The following CUBN variants were observed in gnomAD, a reference collection of about 807,000 sequenced individuals.
CUBN encodes 460 kDa receptor.
A neutral mutation model predicts 405.3 loss-of-function variants in CUBN; 282 were observed. The ratio of observed to expected loss-of-function variants is 0.70; its 90% confidence interval spans 0.63 to 0.77. The LOEUF (loss-of-function observed/expected upper bound fraction) is 0.77, where lower values mean the gene tolerates loss of function less well. Ranked by LOEUF, CUBN falls within the 30% of genes least tolerant of loss-of-function variation. The pLI, the probability that CUBN is intolerant of heterozygous loss-of-function variation, is 0.00. For missense variants in CUBN, 4,514 were observed against 4,475.2 expected (o/e 1.01, Z -0.25); for synonymous variants, 1,684 against 1,617.0 (o/e 1.04, Z -0.99).
intron 19 of CUBN, among the ~76,000 whole-genome samples, chr10:17,070,104 A>C (rs2131847091): frequency 6.6e-6 from 1 of 152,270 alleles, no homozygotes; most frequent in East Asian, 1.9e-4. Flanking sequence ...GTGGCTATTG[A>C]GCACCATTTG....
At chr10:17,045,699 A>G (rs1168584216) in intron 24 of CUBN, among the ~76,000 whole-genome samples, 1 of 152,128 alleles carries the variant, frequency 6.6e-6, no homozygotes, top group African/African-American at 2.4e-5. Context: ...ATTTCCATTA[A>G]TGCAATTTCC....
At chr10:17,049,086 T>C (rs1403652524) in intron 22 of CUBN, among the ~76,000 whole-genome samples, 3 of 152,104 alleles carry the variant, frequency 2.0e-5, no homozygotes, top group Non-Finnish European at 4.4e-5. Context: ...TCTGCCAAAA[T>C]ATTTCCACAA....
rs72775045 is a variant in CUBN, at chr10:17,108,054, C to T, written c.1111+1586G>A. Among the ~76,000 whole-genome samples the T allele has an allele frequency of 4.8e-3, 728 of 152,290 alleles. 2 individuals carry two copies. Among genetic ancestry groups the T allele is most frequent in the Non-Finnish European group, 8.5e-3 (579 of 68,030 alleles). On this transcript the variant is annotated intron_variant, in intron 10 of 66. Coordinates refer to ENST00000377833, the MANE Select transcript of CUBN (RefSeq NM_001081.4). ...AGTAAAGAAGGGCAGCCTAAAAGTA[C>T]ACAAAGTGTTATTAATACTTCATGT...
In CUBN at chr10:16,868,156, G is replaced by A. The variant is rs1022485061; in HGVS notation, c.9454+1480C>T. Among the ~76,000 whole-genome samples the A allele has an allele frequency of 2.6e-5, 4 of 152,250 alleles. No homozygotes were observed. In the South Asian group the frequency reaches 6.2e-4, roughly 24 times the overall value. On this transcript the variant is annotated intron_variant, in intron 59 of 66. Coordinates refer to ENST00000377833, the MANE Select transcript of CUBN (RefSeq NM_001081.4). Reference sequence around the variant, plus strand: ...TTAAGGCAACACTCTCTCACTGCCCGTGAGACTTGCTTTCAAGTTACTGTT... The same window carrying A: ...TTAAGGCAACACTCTCTCACTGCCCATGAGACTTGCTTTCAAGTTACTGTT...
rs751098657 is a variant in CUBN at position 16,828,953 on chromosome 10, C to T, written c.10616G>A (p.Trp3539Ter). ...CCTTCCAGCAGGAGCAACAAGGACC[C>T]ACTCGCAGTACGTGTTGTTTGGGTA... ...GTYPNNTYCEWVLVAPAGRLV... is the reference protein window; with the variant it reads ...GTYPNNTYCE The change falls in exon 66 of 67, where the codon TGG (tryptophan) becomes TAG (stop). Residue 3539 changes from tryptophan (W) to a stop codon, truncating the protein, a stop_gained. Coordinates refer to ENST00000377833, the MANE Select transcript of CUBN (RefSeq NM_001081.4). LOFTEE classifies it high-confidence loss of function. 6.2e-7 allele frequency: 1 copy of T among 1,614,120 alleles called. No homozygotes were observed. Among genetic ancestry groups the T allele is most frequent in the Non-Finnish European group, 8.5e-7 (1 of 1,180,030 alleles).
chr10:16,995,534 A>G (rs1833709331), intron 28 of CUBN, among the ~76,000 whole-genome samples: 1 of 151,846 alleles, frequency 6.6e-6, no homozygotes, highest in African/African-American at 2.4e-5. Flanking sequence ...GGATCTTGCT[A>G]TATTGCCCAG....
Position 16,826,173 on chromosome 10 carries a change from G to A in CUBN, c.10765-1091C>T, listed in dbSNP as rs1047826986. ...TTCCCTGTGAACAATGGTATTTACCGTAATATAAAATATCTCCAAATCAGG... is the reference window on the plus strand; with the variant it reads ...TTCCCTGTGAACAATGGTATTTACCATAATATAAAATATCTCCAAATCAGG... On this transcript the variant is annotated intron_variant, in intron 66 of 66. Transcript: ENST00000377833. 6.6e-5 allele frequency among the ~76,000 whole-genome samples: 10 copies of A among 152,196 alleles called. No homozygotes were observed. The East Asian group carries it at 1.5e-3, about 24-fold the overall frequency.
At chr10:17,089,863 G>A (rs1249272754) in intron 14 of CUBN, among the ~76,000 whole-genome samples, 1 of 152,154 alleles carries the variant, frequency 6.6e-6, no homozygotes, top group Non-Finnish European at 1.5e-5. Flanking sequence ...GATGTCTCAT[G>A]CTTGTAGTCC....
In CUBN at chr10:16,940,179, C is replaced by A; in HGVS notation, c.5401G>T (p.Gly1801Ter). The A allele has an allele frequency of 6.2e-7, 1 of 1,614,154 alleles. No homozygotes were observed. The highest frequency in any genetic ancestry group is 8.5e-7 in the Non-Finnish European group (1 of 1,179,998). Reference sequence around the variant, plus strand: ...CCCACCAAGTGACCCGTGGCATTTCCTTCACGGATCTCCACAAAATCTCTG... The same window carrying A: ...CCCACCAAGTGACCCGTGGCATTTCATTCACGGATCTCCACAAAATCTCTG... ...CSRDFVEIREGNATGHLVGRY... is the reference protein window; with the variant it reads ...CSRDFVEIRE The change falls in exon 37 of 67, where the codon GGA becomes TGA. Residue 1801 changes from glycine (G) to a stop codon, truncating the protein, a stop_gained. Coordinates refer to ENST00000377833, the MANE Select transcript of CUBN (RefSeq NM_001081.4). LOFTEE classifies it high-confidence loss of function.
Position 17,048,568 on chromosome 10 carries a change from C to G in CUBN, c.3140-965G>C, listed in dbSNP as rs140460846. ...TCTTGGCTCACTGCAACCTCTGCCC[C>G]CCGAGTTCAAGCAATTCTCCTGTCT... On this transcript the variant is annotated intron_variant, in intron 22 of 66. Transcript: ENST00000377833. 4.3e-3 allele frequency among the ~76,000 whole-genome samples: 653 copies of G among 152,036 alleles called. 4 individuals carry two copies. Among genetic ancestry groups the G allele is most frequent in the African/African-American group, 0.014 (589 of 41,362 alleles).
chr10:16,985,905 G>T (rs1427867172), intron 29 of CUBN, among the ~76,000 whole-genome samples: 1 of 152,214 alleles, frequency 6.6e-6, no homozygotes, highest in Non-Finnish European at 1.5e-5. Flanking sequence ...TCTGGAAAGA[G>T]TCTCCTTGGG....
intron 48 of CUBN, among the ~76,000 whole-genome samples, chr10:16,910,274 T>C (rs1588641734): frequency 6.6e-6 from 1 of 152,072 alleles, no homozygotes. Context: ...TTCTTCTTCT[T>C]CCTCTTTCAT....
intron 31 of CUBN, among the ~76,000 whole-genome samples, chr10:16,971,494 G>C (rs778869071): frequency 6.6e-6 from 1 of 152,008 alleles, no homozygotes; most frequent in Non-Finnish European, 1.5e-5. Context: ...CAACTTACCT[G>C]GACAGTCTTG....
At chr10:16,993,451 T>C (rs983541248) in intron 28 of CUBN, among the ~76,000 whole-genome samples, 13 of 152,210 alleles carry the variant, frequency 8.5e-5, no homozygotes, top group Admixed American at 6.5e-4. Flanking sequence ...AAATTGTCGC[T>C]GTAAACTGGA....
intron 28 of CUBN, among the ~76,000 whole-genome samples, chr10:17,001,685 T>A (rs1833890534): frequency 6.6e-6 from 1 of 152,248 alleles, no homozygotes. Flanking sequence ...ACCAATGCAC[T>A]AAGCGTTTAA....
intron 62 of CUBN, among the ~76,000 whole-genome samples, chr10:16,839,810 C>T (rs951899318): frequency 6.6e-6 from 1 of 151,890 alleles, no homozygotes; most frequent in African/African-American, 2.4e-5. Flanking sequence ...AGACTTGGAA[C>T]CATCCCAAAT....
At chr10:16,861,665 A>G (rs920956702) in intron 59 of CUBN, among the ~76,000 whole-genome samples, 1 of 152,058 alleles carries the variant, frequency 6.6e-6, no homozygotes, top group Admixed American at 6.6e-5. Flanking sequence ...AATGAGATGT[A>G]CAAACTGAGT....
At chr10:16,902,229 ATATATATACTATATATATTTG>A (rs1841414488) in intron 51 of CUBN, among the ~76,000 whole-genome samples, 1 of 135,158 alleles carries the variant, frequency 7.4e-6, no homozygotes, top group East Asian at 2.0e-4. Flanking sequence ...ATATATATGT[ATATATATACTATATATATTTG>A]TATATATAGT....
chr10:17,008,037 C>T (rs1834072234), intron 28 of CUBN, among the ~76,000 whole-genome samples: 1 of 152,052 alleles, frequency 6.6e-6, no homozygotes. Context: ...CCTGTAGTCC[C>T]AGCTACTCAA....
Sources: gnomAD v4.1 joint callset for allele counts (sites outside exome capture counted in the v4.1 genomes callset) on GRCh38, gnomAD v4.1.1 for gene constraint, MANE v1.5 for transcripts, NCBI Gene and HGNC (gene_info 2026-07-23, HGNC 2026-07-21) for gene names.